Variants in CSMD1 observed in about 807,000 individuals in gnomAD.
CSMD1 encodes CUB and Sushi multiple domains 1.
CSMD1 carries 213 observed loss-of-function variants against 417.5 expected under a neutral mutation model. The ratio of observed to expected loss-of-function variants is 0.51; its 90% CI spans 0.46 to 0.57. The LOEUF is 0.57. CSMD1 is among the 20% of genes least tolerant of loss of function. The pLI is 0.00. For missense variants in CSMD1, 6,923 were observed against 4,529.7 expected, an observed-to-expected ratio of 1.53 and a Z score of -15.17; for synonymous variants, 2,862 against 1,736.8, an observed-to-expected ratio of 1.65 and a Z score of -16.11.
At chr8:3,657,307 T>C (rs895382775) in intron 7 of CSMD1, among the ~76,000 whole-genome samples, 1 of 152,020 alleles carries the variant, frequency 6.6e-6, no homozygotes, top group Non-Finnish European at 1.5e-5. Context: ...CCATTTACAA[T>C]AGCTACAAAT....
At chr8:3,420,406 C>T (rs1379371769) in intron 12 of CSMD1, among the ~76,000 whole-genome samples, 1 of 135,164 alleles carries the variant, frequency 7.4e-6, no homozygotes, top group Non-Finnish European at 1.6e-5. Flanking sequence ...GTTCCTGGGA[C>T]AGGAAGAGGA....
At chr8:4,570,357 T>A (rs959837050) in intron 2 of CSMD1, among the ~76,000 whole-genome samples, 1 of 152,184 alleles carries the variant, frequency 6.6e-6, no homozygotes, top group Non-Finnish European at 1.5e-5. Context: ...GATGTTGAAT[T>A]TTATCGAAGG....
rs1181380277 is a variant in CSMD1, at chr8:4,490,419, T to C, written c.303-70354A>G. Among the ~76,000 whole-genome samples, 5 of 152,336 alleles carry C rather than the reference T, an allele frequency of 3.3e-5. No homozygotes were observed. In the East Asian group the frequency reaches 7.7e-4, roughly 23 times the overall value. On this transcript the variant is annotated intron_variant, in intron 2 of 69. Coordinates refer to ENST00000635120, the MANE Select transcript of CSMD1 (RefSeq NM_033225.6). ...GAATAAAATGTGTATTTCACATCTG[T>C]CCTATCTACTATTGGTTTTAACTTT...
intron 6 of CSMD1, among the ~76,000 whole-genome samples, chr8:3,717,206 C>T (rs1208786522): frequency 6.6e-6 from 1 of 152,078 alleles, no homozygotes; most frequent in Non-Finnish European, 1.5e-5. Flanking sequence ...TATTACATTT[C>T]AAAATTATAT....
chr8:3,500,771 G>C (rs145557868), intron 10 of CSMD1, among the ~76,000 whole-genome samples: 1,963 of 152,266 alleles, frequency 0.013, 39 homozygotes, highest in African/African-American at 0.044. Flanking sequence ...TGGCAAGAAA[G>C]AACAGCAGAG....
In CSMD1 at chr8:3,709,271, G is replaced by A. The variant is rs558960718; in HGVS notation, c.932-780C>T. Among the ~76,000 whole-genome samples the A allele has an allele frequency of 2.0e-5, 3 of 152,146 alleles. No individual in the cohort carries two copies. In the South Asian group the frequency reaches 6.2e-4, roughly 32 times the overall value. On this transcript the variant is annotated intron_variant, in intron 6 of 69. Coordinates refer to ENST00000635120, the MANE Select transcript of CSMD1 (RefSeq NM_033225.6). ...ACTTGGCTTTACTAAGTGCCCAGTG[G>A]AAACATTTCTGAGGTCCCCATATGA...
At chr8:3,072,210 G>A (rs561159291) in intron 49 of CSMD1, among the ~76,000 whole-genome samples, 6 of 152,236 alleles carry the variant, frequency 3.9e-5, no homozygotes, top group East Asian at 3.9e-4. Context: ...ATTAGAGGTC[G>A]AAAGTTTTGT....
At chr8:4,017,147 C>A (rs1291485099) in intron 4 of CSMD1, among the ~76,000 whole-genome samples, 1 of 152,152 alleles carries the variant, frequency 6.6e-6, no homozygotes, top group Non-Finnish European at 1.5e-5. Flanking sequence ...ACATATCTAC[C>A]CCTGCAATAC....
chr8:3,978,547 G>T (rs973735212), intron 5 of CSMD1, among the ~76,000 whole-genome samples: 1 of 152,062 alleles, frequency 6.6e-6, no homozygotes, highest in African/African-American at 2.4e-5. Context: ...TTGGCAAAGG[G>T]TTTCAAAAAT....
intron 36 of CSMD1, among the ~76,000 whole-genome samples, chr8:3,186,815 G>A (rs771315641): frequency 6.6e-6 from 1 of 152,196 alleles, no homozygotes; most frequent in Non-Finnish European, 1.5e-5. Context: ...TGTCATCTTG[G>A]ACAATTCTCT....
rs558547516 is a variant in CSMD1 at position 4,318,915 on chromosome 8, G to A, written c.415+101038C>T. Among the ~76,000 whole-genome samples, 29 of 152,230 alleles carry A rather than the reference G, an allele frequency of 1.9e-4. No individual in the cohort carries two copies. The South Asian group carries it at 5.2e-3, about 27-fold the overall frequency. On this transcript the variant is annotated intron_variant, in intron 3 of 69. Transcript: ENST00000635120. ...GTACTTTCTGAAACTTTAGTCAGAAGTGGGTTTTTAATTTTACTCTCTTTA... is the reference window on the plus strand; with the variant it reads ...GTACTTTCTGAAACTTTAGTCAGAAATGGGTTTTTAATTTTACTCTCTTTA...
chr8:3,512,645 G>C (rs1797125549), intron 10 of CSMD1, among the ~76,000 whole-genome samples: 1 of 150,066 alleles, frequency 6.7e-6, no homozygotes, highest in East Asian at 2.0e-4. Flanking sequence ...TTTGTCGCCA[G>C]GCTGGAGTGC....
chr8:3,865,745 T>C (rs978590262), intron 5 of CSMD1, among the ~76,000 whole-genome samples: 4 of 152,210 alleles, frequency 2.6e-5, no homozygotes, highest in African/African-American at 9.7e-5. Context: ...TACATGCTAA[T>C]GGAGTAATGC....
intron 26 of CSMD1, among the ~76,000 whole-genome samples, chr8:3,237,329 T>G (rs985374549): frequency 1.3e-5 from 2 of 151,556 alleles, no homozygotes; most frequent in Non-Finnish European, 2.9e-5. Context: ...TAGCTGGTCA[T>G]GGTGGTGTGT....
intron 7 of CSMD1, among the ~76,000 whole-genome samples, chr8:3,688,430 G>T (rs147789057): frequency 1.3e-5 from 2 of 152,148 alleles, no homozygotes; most frequent in Admixed American, 1.3e-4. Context: ...CTTTGAAACT[G>T]CTACATGATT....
At chr8:3,694,568 G>C (rs747401797) in intron 7 of CSMD1, among the ~76,000 whole-genome samples, 1 of 151,950 alleles carries the variant, frequency 6.6e-6, no homozygotes, top group Non-Finnish European at 1.5e-5. Flanking sequence ...TGGAAGGCCA[G>C]GCCCGAGACT....
At chr8:4,800,295 GTGGTGCACA>G (rs1798208040) in intron 1 of CSMD1, among the ~76,000 whole-genome samples, 1 of 152,102 alleles carries the variant, frequency 6.6e-6, no homozygotes, top group South Asian at 2.1e-4. Flanking sequence ...GCTGGGCATG[GTGGTGCACA>G]CATGTAATCC....
At chr8:4,244,486 T>C (rs546569466) in intron 3 of CSMD1, among the ~76,000 whole-genome samples, 26 of 152,312 alleles carry the variant, frequency 1.7e-4, no homozygotes, top group African/African-American at 5.1e-4. Context: ...TGATTTTGGA[T>C]AACCTAAAAA....
intron 1 of CSMD1, among the ~76,000 whole-genome samples, chr8:4,816,059 C>G (rs1402781436): frequency 6.6e-6 from 1 of 152,150 alleles, no homozygotes; most frequent in East Asian, 1.9e-4. Flanking sequence ...CAGATAAACA[C>G]AGCAGGACTG....
Sources: allele counts gnomAD v4.1 joint callset (sites outside exome capture counted in the v4.1 genomes callset), GRCh38; gene constraint gnomAD v4.1.1; transcripts MANE v1.5; gene names NCBI Gene and HGNC (gene_info 2026-07-23, HGNC 2026-07-21).